DGKI: variants seen among roughly 807,000 people sequenced by gnomAD.
The protein encoded by DGKI is DAG kinase iota.
DGKI carries 55 observed loss-of-function variants against 147.5 expected under a neutral mutation model. That is an observed-to-expected ratio of 0.37 (90% CI 0.30 to 0.47). DGKI has a LOEUF of 0.47. Among genes scored for constraint, DGKI ranks in the 20% least tolerant of loss-of-function variants. The probability of loss-of-function intolerance (pLI) is 1.00; values close to 1 mark genes in which losing one functional copy is unlikely to be tolerated. For synonymous variants in DGKI, 469 were observed against 477.1 expected (o/e 0.98, Z 0.22); for missense variants, 1,007 against 1,323.8 (o/e 0.76, Z 3.71).
At chr7:137,631,716 C>G (rs570581215) in intron 6 of DGKI, among the ~76,000 whole-genome samples, 17 of 151,352 alleles carry the variant, frequency 1.1e-4, no homozygotes, top group Admixed American at 9.2e-4. Flanking sequence ...ACCAGGGTGC[C>G]TCTTGAAAAT....
chr7:137,515,157 C>T (rs1289627987), intron 21 of DGKI, among the ~76,000 whole-genome samples: 1 of 152,192 alleles, frequency 6.6e-6, no homozygotes, highest in Non-Finnish European at 1.5e-5. Context: ...CATATACATG[C>T]ACTCTTTTTG....
intron 21 of DGKI, among the ~76,000 whole-genome samples, chr7:137,520,363 C>T (rs890148043): frequency 6.6e-6 from 1 of 152,010 alleles, no homozygotes; most frequent in Admixed American, 6.6e-5. Flanking sequence ...ACCTTTAGAA[C>T]TCAATTTAAT....
intron 1 of DGKI, among the ~76,000 whole-genome samples, chr7:137,713,911 T>C (rs1794290854): frequency 6.6e-6 from 1 of 152,178 alleles, no homozygotes; most frequent in Admixed American, 6.5e-5. Context: ...AGCACTGAGA[T>C]TATAAGGCAT....
At chr7:137,552,203 G>T (rs1414151364) in intron 20 of DGKI, among the ~76,000 whole-genome samples, 166 bp downstream of exon 20, 2 of 151,964 alleles carry the variant, frequency 1.3e-5, no homozygotes, top group African/African-American at 4.8e-5. Context: ...AATAAACAAG[G>T]AGAAAAAAAC....
At chr7:137,552,219 G>A in intron 20 of DGKI, 150 bp downstream of exon 20, 3 of 697,858 alleles carry the variant, frequency 4.3e-6, no homozygotes, top group African/African-American at 1.8e-5. Flanking sequence ...AAAACTCTAT[G>A]TGTTCCTATG....
chr7:137,419,180 C>G (rs150421853), intron 28 of DGKI, among the ~76,000 whole-genome samples: 33 of 152,190 alleles, frequency 2.2e-4, no homozygotes, highest in South Asian at 2.1e-4. Context: ...GAAAATAACC[C>G]CCGGAAAAAG....
At chr7:137,568,282 A>G (rs1413322337) in intron 19 of DGKI, among the ~76,000 whole-genome samples, 1 of 152,054 alleles carries the variant, frequency 6.6e-6, no homozygotes, top group African/African-American at 2.4e-5. Context: ...ATGTTTGTAA[A>G]TTTTCCTTTT....
intron 3 of DGKI, among the ~76,000 whole-genome samples, chr7:137,666,174 T>C (rs150862507): frequency 1.6e-4 from 25 of 152,320 alleles, no homozygotes; most frequent in African/African-American, 5.8e-4. Context: ...TCTTAAATGG[T>C]TAAATGTGAC....
intron 12 of DGKI, among the ~76,000 whole-genome samples, chr7:137,592,206 G>T (rs751024292): frequency 6.6e-6 from 1 of 152,130 alleles, no homozygotes; most frequent in Non-Finnish European, 1.5e-5. Flanking sequence ...CACGGCTTTC[G>T]TATTTTCCCA....
chr7:137,406,075 G>A (rs1031553809), intron 30 of DGKI, among the ~76,000 whole-genome samples: 1 of 152,062 alleles, frequency 6.6e-6, no homozygotes, highest in East Asian at 1.9e-4. Context: ...CCAGAGAGAG[G>A]GTAGGTGGGC....
chr7:137,668,407 A>G (rs1304758919), intron 3 of DGKI, among the ~76,000 whole-genome samples: 1 of 152,240 alleles, frequency 6.6e-6, no homozygotes, highest in African/African-American at 2.4e-5. Flanking sequence ...AAAAGGAGGC[A>G]GGAATTCAGA....
At chr7:137,654,867 A>T (rs1360311222) in intron 4 of DGKI, 79 bp from the exon 5 acceptor site, 3 of 856,284 alleles carry the variant, frequency 3.5e-6, no homozygotes, top group Non-Finnish European at 5.5e-6. Flanking sequence ...AAAAAAAAAC[A>T]GTGACAGATA....
At chr7:137,733,399 A>G (rs147868794) in intron 1 of DGKI, among the ~76,000 whole-genome samples, 1,896 of 152,216 alleles carry the variant, frequency 0.012, 138 homozygotes, top group Admixed American at 0.12. Flanking sequence ...AGGCTCACTC[A>G]TGTTGTAACA....
chr7:137,840,171 T>A (rs1481549451), intron 1 of DGKI, among the ~76,000 whole-genome samples: 2 of 152,230 alleles, frequency 1.3e-5, no homozygotes, highest in Non-Finnish European at 1.5e-5. Context: ...GGTACATGAA[T>A]AAAAAGTAGC....
chr7:137,583,302 T>A (rs1378882998), intron 14 of DGKI, among the ~76,000 whole-genome samples: 1 of 152,146 alleles, frequency 6.6e-6, no homozygotes. Flanking sequence ...TGTCTTACTC[T>A]TCAGCCTTCT....
At chr7:137,798,828 T>C (rs1797111079) in intron 1 of DGKI, among the ~76,000 whole-genome samples, 1 of 152,002 alleles carries the variant, frequency 6.6e-6, no homozygotes, top group African/African-American at 2.4e-5. Context: ...ACCCTAGGAG[T>C]GCAAGGTTAG....
chr7:137,568,043 C>T (rs1818651612), intron 19 of DGKI, among the ~76,000 whole-genome samples: 1 of 152,108 alleles, frequency 6.6e-6, no homozygotes, highest in Non-Finnish European at 1.5e-5. Flanking sequence ...TCTATTTTTA[C>T]ACTGAAACCT....
intron 21 of DGKI, among the ~76,000 whole-genome samples, chr7:137,503,488 A>C (rs1294857127): frequency 2.0e-5 from 3 of 152,206 alleles, no homozygotes; most frequent in Non-Finnish European, 4.4e-5. Flanking sequence ...CAGAGGCACA[A>C]GCTATTCAAA....
At chr7:137,414,757 C>CT (rs1414648601) in intron 28 of DGKI, among the ~76,000 whole-genome samples, 2 of 152,126 alleles carry the variant, frequency 1.3e-5, no homozygotes, top group East Asian at 1.9e-4. Flanking sequence ...GAAAAAAACA[C>CT]TGTTGTCAGG....
Sources: gnomAD v4.1 joint callset for allele counts (sites outside exome capture counted in the v4.1 genomes callset) on GRCh38, gnomAD v4.1.1 for gene constraint, MANE v1.5 for transcripts, NCBI Gene and HGNC (gene_info 2026-07-23, HGNC 2026-07-21) for gene names.